Variants in HS1BP3 observed in about 807,000 individuals in gnomAD.
The protein encoded by HS1BP3 is HCLS1-binding protein 3.
HS1BP3 carries 32 observed loss-of-function variants against 33.5 expected under a neutral mutation model. That is an observed-to-expected ratio of 0.95 (90% confidence interval 0.72 to 1.28). The LOEUF is 1.28. Ranked by LOEUF, HS1BP3 falls within the 50% of genes most tolerant of loss-of-function variation. The pLI is 0.00. For synonymous variants in HS1BP3, 187 were observed against 209.2 expected (o/e 0.89, Z 0.92); for missense variants, 486 against 502.3 (o/e 0.97, Z 0.31).
intron 5 of HS1BP3, among the ~76,000 whole-genome samples, chr2:20,576,263 T>A (rs534839214): frequency 6.6e-6 from 1 of 152,194 alleles, no homozygotes; most frequent in Non-Finnish European, 1.5e-5. Context: ...ATTATAGGTG[T>A]GAGCCATTGC....
chr2:20,625,274 G>A (rs1030718597), intron 4 of HS1BP3, among the ~76,000 whole-genome samples: 2 of 152,240 alleles, frequency 1.3e-5, no homozygotes, highest in African/African-American at 4.8e-5. Flanking sequence ...AGGAGCAGGC[G>A]GCTGCCAGGA....
rs181959236 is a variant in HS1BP3, at chr2:20,598,847, C to T, written c.179-582G>A. 2.1e-3 allele frequency among the ~76,000 whole-genome samples: 316 copies of T among 152,226 alleles called. 1 individual carries two copies. Among genetic ancestry groups the T allele is most frequent in the African/African-American group, 7.1e-3 (293 of 41,530 alleles). On this transcript the variant is annotated intron_variant, in intron 2 of 3. Coordinates refer to the HS1BP3 transcript ENST00000415264. ...TGCTGGGATTACAGGCGTGAGCCACCGCGCCCGGCCGGTACTTCTTTGAAT... is the reference window on the plus strand; with the variant it reads ...TGCTGGGATTACAGGCGTGAGCCACTGCGCCCGGCCGGTACTTCTTTGAAT...
chr2:20,648,056 C>T (rs927148971), intron 1 of HS1BP3, among the ~76,000 whole-genome samples: 1 of 152,216 alleles, frequency 6.6e-6, no homozygotes, highest in Non-Finnish European at 1.5e-5. Flanking sequence ...GCTCCTAAGG[C>T]CAACCTTCTA....
At chr2:20,579,673 GAAA>G (rs1693486251) in intron 5 of HS1BP3, among the ~76,000 whole-genome samples, 1 of 152,166 alleles carries the variant, frequency 6.6e-6, no homozygotes, top group Non-Finnish European at 1.5e-5. Context: ...GTGACAAGAG[GAAA>G]ACCAATACCA....
At chr2:20,565,944 C>A (rs982222651) in intron 5 of HS1BP3, among the ~76,000 whole-genome samples, 1 of 152,226 alleles carries the variant, frequency 6.6e-6, no homozygotes, top group Admixed American at 6.5e-5. Context: ...CATGGCTGAG[C>A]GCTCCAAGCT....
At chr2:20,601,390 G>T (rs1694065337) in intron 2 of HS1BP3, among the ~76,000 whole-genome samples, 1 of 152,302 alleles carries the variant, frequency 6.6e-6, no homozygotes, top group Admixed American at 6.5e-5. Flanking sequence ...ACACATGCTT[G>T]TTAGAAGTGT....
At chr2:20,577,688 A>T (rs980469015) in intron 5 of HS1BP3, among the ~76,000 whole-genome samples, 1 of 152,216 alleles carries the variant, frequency 6.6e-6, no homozygotes. Context: ...GGAGGCAAGC[A>T]GAGGCCAGAC....
Position 20,611,029 on chromosome 2 carries a change from G to A in HS1BP3, c.179-12764C>T, listed in dbSNP as rs6531247. ...GTCACTACAATTTTGCCTTTTCTAG[G>A]GTTTCATATATGTGGGATCATACAA... On this transcript the variant is annotated intron_variant, in intron 2 of 3. Coordinates refer to the HS1BP3 transcript ENST00000415264. This position sits in a 1 kb window ranked among gnomAD's most constrained non-coding sequence, Gnocchi z 4.9. Among the ~76,000 whole-genome samples, 29,160 of 152,064 alleles carry A rather than the reference G, an allele frequency of 0.19. 2,990 individuals carry two copies. The highest frequency in any genetic ancestry group is 0.22 in the Middle Eastern group (65 of 294).
intron 3 of HS1BP3, among the ~76,000 whole-genome samples, chr2:20,594,357 G>T (rs140928423): frequency 3.5e-3 from 534 of 152,312 alleles, no homozygotes; most frequent in Admixed American, 0.011. Context: ...GAGGTGAATG[G>T]GTCTGAAATG....
At chr2:20,650,887 G>A (rs1017632942) in intron 1 of HS1BP3, 145 bp downstream of exon 1, 5 of 640,774 alleles carry the variant, frequency 7.8e-6, no homozygotes, top group Non-Finnish European at 1.1e-5. Context: ...GGCGGTGCAG[G>A]GGCCCAGCCC....
chr2:20,557,580 A>G (rs191929178), downstream of HS1BP3, among the ~76,000 whole-genome samples: 208 of 152,330 alleles, frequency 1.4e-3, no homozygotes, highest in South Asian at 8.3e-3. Context: ...TTTGGATGGG[A>G]TAGAGAAGCC....
chr2:20,573,954 C>T (rs773299788), intron 5 of HS1BP3, among the ~76,000 whole-genome samples: 1 of 152,188 alleles, frequency 6.6e-6, no homozygotes, highest in Non-Finnish European at 1.5e-5. Flanking sequence ...AGAGAATGAA[C>T]AGGAAGACCA....
intron 5 of HS1BP3, among the ~76,000 whole-genome samples, chr2:20,585,421 C>A (rs1024677965): frequency 2.0e-5 from 3 of 152,214 alleles, no homozygotes; most frequent in African/African-American, 7.2e-5. Flanking sequence ...TGCCTTAACT[C>A]TACAAGCATA....
chr2:20,598,698 A>G (rs1002156183), intron 2 of HS1BP3, among the ~76,000 whole-genome samples: 4 of 149,586 alleles, frequency 2.7e-5, no homozygotes, highest in Non-Finnish European at 6.0e-5. Flanking sequence ...AGCTGGGACT[A>G]CAGGCGCCCG....
At chr2:20,624,683 G>A in intron 5 of HS1BP3, 49 bp downstream of exon 5, 3 of 1,527,998 alleles carry the variant, frequency 2.0e-6, no homozygotes, top group Non-Finnish European at 2.6e-6. Context: ...CTGGTGATGG[G>A]GCTGGGCACC....
intron 3 of HS1BP3, among the ~76,000 whole-genome samples, chr2:20,638,951 G>A (rs904273267): frequency 1.3e-5 from 2 of 152,214 alleles, no homozygotes; most frequent in South Asian, 2.1e-4. Context: ...CAGGGGCAGC[G>A]GTTCCTGAAC....
chr2:20,649,758 G>T (rs138346531), intron 1 of HS1BP3, among the ~76,000 whole-genome samples: 21 of 152,290 alleles, frequency 1.4e-4, no homozygotes, highest in Non-Finnish European at 3.1e-4. Flanking sequence ...AAGATCCTTG[G>T]GTGTGCTGGT....
At chr2:20,648,201 C>G (rs1198591681) in intron 1 of HS1BP3, among the ~76,000 whole-genome samples, 1 of 152,212 alleles carries the variant, frequency 6.6e-6, no homozygotes, top group Admixed American at 6.5e-5. Context: ...TCTGACCACT[C>G]ATGTAACAAA....
At chr2:20,563,297 T>C (rs765130072) in intron 5 of HS1BP3, among the ~76,000 whole-genome samples, 1 of 152,218 alleles carries the variant, frequency 6.6e-6, no homozygotes. Flanking sequence ...ATGGGGAAAC[T>C]GAGGCCCAGA....
Sources: allele counts gnomAD v4.1 joint callset (sites outside exome capture counted in the v4.1 genomes callset), GRCh38; gene constraint gnomAD v4.1.1; non-coding constraint Gnocchi (gnomAD v3.1); transcripts MANE v1.5; gene names NCBI Gene and HGNC (gene_info 2026-07-23, HGNC 2026-07-21).